Variants in HIP1 observed in about 807,000 individuals in gnomAD.
The protein encoded by HIP1 is huntingtin interacting protein 1.
HIP1 carries 65 observed loss-of-function variants against 147.6 expected under a neutral mutation model. The ratio of observed to expected loss-of-function variants is 0.44; its 90% CI spans 0.36 to 0.54. The LOEUF is 0.54. HIP1 is among the 20% of genes least tolerant of loss of function. HIP1 has a pLI of 0.00. For synonymous variants in HIP1, 479 were observed against 504.0 expected (o/e 0.95, Z 0.67); for missense variants, 1,061 against 1,299.6 (o/e 0.82, Z 2.82).
rs1798497048 is a variant in HIP1 at position 75,637,993 on chromosome 7, C to CACACACAT, written c.121-38747_121-38746insATGTGTGT. ...CAGACCCAGACCCCCCCCCCCCCCC[C>CACACACAT]ACACACACACATACACACACACACA... On this transcript the variant is annotated intron_variant, in intron 1 of 30. Transcript: ENST00000336926. 2.4e-3 allele frequency among the ~76,000 whole-genome samples: 96 copies of CACACACAT among 40,012 alleles called. 1 individual carries two copies. Among genetic ancestry groups the CACACACAT allele is most frequent in the African/African-American group, 0.013 (91 of 6,764 alleles). The allele number at this position is 40,012 out of a possible 152,430, so 26.2% of individuals were successfully genotyped here.
At chr7:75,624,905 C>A (rs1478626276) in intron 1 of HIP1, among the ~76,000 whole-genome samples, 2 of 151,614 alleles carry the variant, frequency 1.3e-5, no homozygotes, top group African/African-American at 4.8e-5. Flanking sequence ...ATTCATCCCT[C>A]TGTGTCTGTA....
chr7:75,634,050 G>A (rs1554509306), intron 1 of HIP1, among the ~76,000 whole-genome samples: 1 of 152,058 alleles, frequency 6.6e-6, no homozygotes, highest in African/African-American at 2.4e-5. Flanking sequence ...GAGCCCAGGA[G>A]TTCTAGACCA....
intron 8 of HIP1, among the ~76,000 whole-genome samples, chr7:75,572,857 G>A (rs781947315): frequency 1.4e-4 from 22 of 152,146 alleles, no homozygotes; most frequent in Admixed American, 1.2e-3. Flanking sequence ...AGCCCCAGCT[G>A]CAGACTCAGG....
At chr7:75,602,306 T>TTC (rs1399372695) in intron 1 of HIP1, among the ~76,000 whole-genome samples, 1 of 89,732 alleles carries the variant, frequency 1.1e-5, no homozygotes, top group Admixed American at 1.1e-4. Flanking sequence ...TGGCCAGCTT[T>TTC]TTTTTTTTTT....
chr7:75,555,944 G>C, intron 18 of HIP1, 82 bp downstream of exon 18: 1 of 1,538,180 alleles, frequency 6.5e-7, no homozygotes, highest in Non-Finnish European at 8.9e-7. Flanking sequence ...GCAGCCCCGG[G>C]GTCCTCCCAG....
chr7:75,579,423 T>C (rs998904799), intron 7 of HIP1, among the ~76,000 whole-genome samples: 1 of 151,944 alleles, frequency 6.6e-6, no homozygotes, highest in East Asian at 1.9e-4. Context: ...TCCTGAGTAG[T>C]TGGGATTACA....
chr7:75,547,929 C>T, intron 23 of HIP1, 116 bp from the exon 24 acceptor site: 4 of 875,772 alleles, frequency 4.6e-6, no homozygotes, highest in Non-Finnish European at 7.8e-6. Flanking sequence ...ATCTGGAAGT[C>T]CCCAAGTCCC....
Position 75,721,849 on chromosome 7 carries a change from G to C in HIP1, c.120+16952C>G, listed in dbSNP as rs144477549. Among the ~76,000 whole-genome samples, 9 of 152,266 alleles carry C rather than the reference G, an allele frequency of 5.9e-5. No individual in the cohort carries two copies. In the East Asian group the frequency reaches 1.7e-3, roughly 29 times the overall value. On this transcript the variant is annotated intron_variant, in intron 1 of 30. Transcript: ENST00000336926. Reference sequence around the variant, plus strand: ...GCAGCCACTGTTAACCAGGAGAGAGGGTCTCATAGAGAGGGAAGAGGCAAA... The same window carrying C: ...GCAGCCACTGTTAACCAGGAGAGAGCGTCTCATAGAGAGGGAAGAGGCAAA...
intron 9 of HIP1, among the ~76,000 whole-genome samples, chr7:75,565,246 G>A (rs183623160): frequency 1.5e-3 from 227 of 151,618 alleles, no homozygotes; most frequent in Middle Eastern, 3.4e-3. Flanking sequence ...CAGCAGCCGT[G>A]TCTGTGTGGA....
At chr7:75,590,788 T>C (rs1460082121) in intron 4 of HIP1, among the ~76,000 whole-genome samples, 2 of 152,216 alleles carry the variant, frequency 1.3e-5, no homozygotes, top group African/African-American at 4.8e-5. Flanking sequence ...GGGAACGTTT[T>C]CTAGCACACA....
chr7:75,734,573 C>G (rs1403711266), intron 1 of HIP1, among the ~76,000 whole-genome samples: 1 of 152,150 alleles, frequency 6.6e-6, no homozygotes, highest in African/African-American at 2.4e-5. Flanking sequence ...CAGGCAAGAG[C>G]AAGACACAGA....
intron 1 of HIP1, among the ~76,000 whole-genome samples, chr7:75,694,347 G>A (rs1262088723): frequency 6.6e-6 from 1 of 151,980 alleles, no homozygotes; most frequent in African/African-American, 2.4e-5. Context: ...TTATTATGCT[G>A]GGCATGCGTG....
chr7:75,732,672 C>T (rs915698438), intron 1 of HIP1, among the ~76,000 whole-genome samples: 1 of 152,192 alleles, frequency 6.6e-6, no homozygotes, highest in African/African-American at 2.4e-5. Context: ...TGAGCCACTG[C>T]GCCCGGCTCA....
At chr7:75,695,313 C>T (rs566569782) in intron 1 of HIP1, among the ~76,000 whole-genome samples, 218 of 152,260 alleles carry the variant, frequency 1.4e-3, no homozygotes, top group African/African-American at 4.8e-3. Flanking sequence ...GAGACGTATC[C>T]TCTGATCACC....
At chr7:75,586,368 A>C (rs1436019854) in intron 5 of HIP1, among the ~76,000 whole-genome samples, 1 of 151,778 alleles carries the variant, frequency 6.6e-6, no homozygotes, top group East Asian at 1.9e-4. Flanking sequence ...ACCATGGGTA[A>C]TTTTTGTAAT....
Position 75,545,125 on chromosome 7 carries a change from C to T in HIP1, c.2623G>A (p.Ala875Thr). The T allele has an allele frequency of 6.2e-7, 1 of 1,612,204 alleles. No homozygotes were observed. Among genetic ancestry groups the T allele is most frequent in the Non-Finnish European group, 8.5e-7 (1 of 1,179,268 alleles). Residue 875 changes from alanine to threonine, a missense_variant, in exon 26 of 31, where the codon GCC becomes ACC. Coordinates refer to ENST00000336926, the MANE Select transcript of HIP1 (RefSeq NM_005338.7). ...GCTCCCCAGCCCACAGCCTTGGAGG[C>T]TGAGATAAGTCCTTCTGTCCATCGA... ...NSRWTEGLIS[A>T]SKAVGWGATV...
At chr7:75,681,058 G>A (rs1554516791) in intron 1 of HIP1, among the ~76,000 whole-genome samples, 1 of 152,094 alleles carries the variant, frequency 6.6e-6, no homozygotes, top group East Asian at 1.9e-4. Context: ...TTATGGGCAT[G>A]AGCCACAGTG....
chr7:75,537,993 C>T lies in HIP1; in HGVS notation c.*179G>A, dbSNP rs1228076159. 1.5e-6 allele frequency: 1 copy of T among 655,030 alleles called. No individual in the cohort carries two copies. Among genetic ancestry groups the T allele is most frequent in the Non-Finnish European group, 2.8e-6 (1 of 355,138 alleles). 40.6% of individuals were successfully genotyped at this position (655,030 alleles called of 1,614,324 possible). Reference sequence around the variant, plus strand: ...GAACAGAGATGACCATGGGTCCAAACAGAAAGGGTGTCGCTATGGAGGGAG... The same window carrying T: ...GAACAGAGATGACCATGGGTCCAAATAGAAAGGGTGTCGCTATGGAGGGAG... On this transcript the variant is annotated 3_prime_UTR_variant, in exon 31 of 31. Coordinates refer to ENST00000336926, the MANE Select transcript of HIP1 (RefSeq NM_005338.7).
chr7:75,618,353 G>A (rs1036403191), intron 1 of HIP1, among the ~76,000 whole-genome samples: 17 of 152,120 alleles, frequency 1.1e-4, no homozygotes, highest in East Asian at 9.6e-4. Context: ...GTTTCACCAT[G>A]TTGGTCAAGC....
Sources: gnomAD v4.1 joint callset for allele counts (sites outside exome capture counted in the v4.1 genomes callset) on GRCh38, gnomAD v4.1.1 for gene constraint, MANE v1.5 for transcripts, NCBI Gene and HGNC (gene_info 2026-07-23, HGNC 2026-07-21) for gene names.